DDAH1: variants seen among roughly 807,000 people sequenced by gnomAD.
DDAH1 encodes dimethylarginine dimethylaminohydrolase 1.
A neutral mutation model predicts 28.8 loss-of-function variants in DDAH1; 19 were observed. The observed-to-expected ratio is 0.66, with a 90% CI of 0.46 to 0.97. The LOEUF (loss-of-function observed/expected upper bound fraction) is 0.97. Among genes scored for constraint, DDAH1 ranks in the 50% least tolerant of loss-of-function variants. DDAH1 has a pLI of 0.00. For synonymous variants in DDAH1, 153 were observed against 154.4 expected, an observed-to-expected ratio of 0.99 and a Z score of 0.07; for missense variants, 326 against 375.9, an observed-to-expected ratio of 0.87 and a Z score of 1.10.
chr1:85,325,619 A>C (rs1304158018), intron 4 of DDAH1, among the ~76,000 whole-genome samples: 1 of 152,086 alleles, frequency 6.6e-6, no homozygotes, highest in Non-Finnish European at 1.5e-5. Flanking sequence ...AAAAAAAAAA[A>C]AACCTACTTG....
chr1:85,501,592 G>A (rs949100122), intron 1 of DDAH1, among the ~76,000 whole-genome samples: 1 of 152,066 alleles, frequency 6.6e-6, no homozygotes, highest in Non-Finnish European at 1.5e-5. Context: ...CAACCACCCT[G>A]AACTGTGATC....
rs367928413 is a variant in DDAH1, at chr1:85,324,690, C to T, written c.741+50G>A. 4 of 1,605,916 alleles carry T rather than the reference C, an allele frequency of 2.5e-6. No homozygotes were observed. The African/African-American group carries it at 4.0e-5, about 16-fold the overall frequency. On this transcript the variant is annotated intron_variant, in intron 5 of 5. Transcript: ENST00000284031. Reference sequence around the variant, plus strand: ...ATTGGTCACTCCTTTATGAAAAAATCCCCAGGGAGGCTGACCCAGCTGCAG... The same window carrying T: ...ATTGGTCACTCCTTTATGAAAAAATTCCCAGGGAGGCTGACCCAGCTGCAG...
At chr1:85,423,781 ACTTTT>A (rs1451205509) in intron 1 of DDAH1, among the ~76,000 whole-genome samples, 5 of 151,942 alleles carry the variant, frequency 3.3e-5, no homozygotes, top group Non-Finnish European at 5.9e-5. Context: ...CCTTTTATTT[ACTTTT>A]CTTTTCTTAT....
chr1:85,425,702 A>G (rs12128907), intron 1 of DDAH1, among the ~76,000 whole-genome samples: 23,904 of 152,160 alleles, frequency 0.16, 2,279 homozygotes, highest in Admixed American at 0.22. Context: ...CAAAACACAC[A>G]TATTTAGTTT....
At chr1:85,511,845 A>T (rs993454355) in intron 1 of DDAH1, among the ~76,000 whole-genome samples, 3 of 152,206 alleles carry the variant, frequency 2.0e-5, no homozygotes, top group African/African-American at 7.2e-5. Flanking sequence ...TCTGAAATTG[A>T]GGCAATAATC....
intron 2 of DDAH1, among the ~76,000 whole-genome samples, chr1:85,476,793 C>T (rs568532125): frequency 3.9e-5 from 6 of 152,240 alleles, no homozygotes; most frequent in Non-Finnish European, 8.8e-5. Context: ...TTCTGTTATT[C>T]TTCCAAGATA....
intron 1 of DDAH1, among the ~76,000 whole-genome samples, chr1:85,364,948 A>G (rs1368155893): frequency 2.6e-5 from 4 of 152,200 alleles, no homozygotes; most frequent in African/African-American, 7.2e-5. Context: ...AAATAAAAAC[A>G]TATTGGGATC....
chr1:85,433,358 A>C (rs550078612), intron 1 of DDAH1, among the ~76,000 whole-genome samples: 3 of 152,126 alleles, frequency 2.0e-5, no homozygotes, highest in Non-Finnish European at 4.4e-5. Context: ...TTCGCACATG[A>C]AATCTACCTC....
intron 1 of DDAH1, among the ~76,000 whole-genome samples, chr1:85,411,286 G>T (rs903058768): frequency 2.7e-4 from 41 of 152,226 alleles, no homozygotes; most frequent in African/African-American, 9.1e-4. Flanking sequence ...TAAACATTTG[G>T]AACAATTGCA....
intron 4 of DDAH1, among the ~76,000 whole-genome samples, chr1:85,343,427 G>C (rs1238007385): frequency 1.3e-5 from 2 of 152,304 alleles, no homozygotes; most frequent in East Asian, 3.9e-4. Flanking sequence ...ATAAACAGTT[G>C]TTACAAATTC....
chr1:85,382,170 T>C (rs926290657), intron 1 of DDAH1, among the ~76,000 whole-genome samples: 5 of 152,116 alleles, frequency 3.3e-5, no homozygotes, highest in Admixed American at 3.3e-4. Flanking sequence ...GTAAAGGAAG[T>C]TGAGTTGTTG....
chr1:85,568,513 G>T (rs758878387), intron 1 of DDAH1, among the ~76,000 whole-genome samples: 1 of 152,138 alleles, frequency 6.6e-6, no homozygotes, highest in African/African-American at 2.4e-5. Flanking sequence ...ATCATTTCAA[G>T]TAAGGCCAAG....
At chr1:85,390,377 C>T (rs1651487905) in intron 1 of DDAH1, among the ~76,000 whole-genome samples, 1 of 152,270 alleles carries the variant, frequency 6.6e-6, no homozygotes, top group African/African-American at 2.4e-5. Flanking sequence ...CACACCTGTC[C>T]CAAGACATTC....
At chr1:85,335,826 G>A (rs913679807) in intron 4 of DDAH1, among the ~76,000 whole-genome samples, 3 of 152,058 alleles carry the variant, frequency 2.0e-5, no homozygotes, top group Non-Finnish European at 4.4e-5. Flanking sequence ...GCTGGGCATG[G>A]TGGTGCATGC....
At chr1:85,500,484 A>C (rs373351904) in intron 1 of DDAH1, among the ~76,000 whole-genome samples, 1 of 152,100 alleles carries the variant, frequency 6.6e-6, no homozygotes, top group African/African-American at 2.4e-5. Context: ...ACTGCTATTA[A>C]AACTTTTTTC....
intron 1 of DDAH1, among the ~76,000 whole-genome samples, chr1:85,525,469 T>A (rs550433022): frequency 1.3e-5 from 2 of 152,186 alleles, no homozygotes; most frequent in Admixed American, 1.3e-4. Context: ...GAACAAAAAC[T>A]CAGTTTTAAG....
Position 85,476,964 on chromosome 1 carries a change from C to T in DDAH1, c.-7+19202G>A, listed in dbSNP as rs539665830. Among the ~76,000 whole-genome samples the T allele has an allele frequency of 7.9e-5, 12 of 152,166 alleles. No homozygotes were observed. In the East Asian group the frequency reaches 9.7e-4, roughly 12 times the overall value. On this transcript the variant is annotated intron_variant, in intron 2 of 6. Coordinates refer to the DDAH1 transcript ENST00000426972. The stretch of plus-strand genomic sequence containing the variant: ...GCAGAGAGACAGCTATGAATCAAAC[C>T]ATCACTAAATACTCACAAACTAAGT...
intron 1 of DDAH1, among the ~76,000 whole-genome samples, chr1:85,448,398 G>A (rs1654528514): frequency 1.3e-5 from 2 of 152,186 alleles, no homozygotes; most frequent in Non-Finnish European, 2.9e-5. Flanking sequence ...TATTAAGAGT[G>A]AGAGGTTCTG....
At chr1:85,495,132 C>T (rs895973687) in intron 2 of DDAH1, 3 of 150,088 alleles carry the variant, frequency 2.0e-5, no homozygotes, top group Non-Finnish European at 4.4e-5. Context: ...TTCTGGATTA[C>T]TTAGAGCAAC....
Sources: allele counts gnomAD v4.1 joint callset (sites outside exome capture counted in the v4.1 genomes callset), GRCh38; gene constraint gnomAD v4.1.1; transcripts MANE v1.5; gene names NCBI Gene and HGNC (gene_info 2026-07-23, HGNC 2026-07-21).